The following CKAP5 variants were observed in gnomAD, a reference collection of about 807,000 sequenced individuals.
The protein encoded by CKAP5 is cytoskeleton associated protein 5, also known as cytoskeleton-associated protein 5.
Under a neutral mutation model 232.8 loss-of-function variants are expected in CKAP5, and 27 were observed. That is an observed-to-expected ratio of 0.12 (90% confidence interval 0.09 to 0.16). The LOEUF is 0.16. CKAP5 is among the 10% of genes least tolerant of loss of function. CKAP5 has a pLI of 1.00. For missense variants in CKAP5, 1,838 were observed against 2,424.7 expected, an observed-to-expected ratio of 0.76 and a Z score of 5.08; for synonymous variants, 785 against 841.1, an observed-to-expected ratio of 0.93 and a Z score of 1.16.
At chr11:46,801,392 G>A (rs1003955974) in intron 8 of CKAP5, 88 bp from the exon 9 acceptor site, 12 of 987,400 alleles carry the variant, frequency 1.2e-5, no homozygotes, top group Middle Eastern at 2.1e-4. Flanking sequence ...CTCTGAGGCC[G>A]GGTGCAGCGG....
intron 2 of CKAP5, among the ~76,000 whole-genome samples, chr11:46,820,110 G>A (rs184787588): frequency 3.5e-4 from 54 of 152,160 alleles, no homozygotes; most frequent in Non-Finnish European, 7.1e-4. Context: ...CCCTTTCAGT[G>A]AGAATATACA....
intron 26 of CKAP5, among the ~76,000 whole-genome samples, chr11:46,768,684 C>T (rs917295507): frequency 4.6e-5 from 7 of 151,002 alleles, no homozygotes; most frequent in East Asian, 1.9e-4. Flanking sequence ...TGGGCTGAAG[C>T]GATCCTCCCA....
At chr11:46,797,249 C>T (rs1483769004) in intron 11 of CKAP5, among the ~76,000 whole-genome samples, 1 of 152,062 alleles carries the variant, frequency 6.6e-6, no homozygotes, top group Non-Finnish European at 1.5e-5. Flanking sequence ...TGCCTATAAT[C>T]CCAGCTACTC....
intron 8 of CKAP5, among the ~76,000 whole-genome samples, chr11:46,805,570 CTTTTG>C (rs1207392815): frequency 6.6e-6 from 1 of 152,180 alleles, no homozygotes; most frequent in Admixed American, 6.5e-5. Flanking sequence ...CATTTCCCCA[CTTTTG>C]TTATGTTTCT....
At chr11:46,835,890 G>A (rs989716434) in intron 1 of CKAP5, among the ~76,000 whole-genome samples, 1 of 152,130 alleles carries the variant, frequency 6.6e-6, no homozygotes, top group African/African-American at 2.4e-5. Context: ...AAGTGATCAT[G>A]GTTAATATCA....
chr11:46,780,118 C>A, intron 20 of CKAP5, 76 bp downstream of exon 20: 2 of 1,503,384 alleles, frequency 1.3e-6, no homozygotes, highest in Non-Finnish European at 1.8e-6. Context: ...CAGGCGTGCA[C>A]CACTACACCC....
At chr11:46,786,552 T>A (rs1435796994) in intron 16 of CKAP5, among the ~76,000 whole-genome samples, 1 of 152,190 alleles carries the variant, frequency 6.6e-6, no homozygotes, top group Non-Finnish European at 1.5e-5. Flanking sequence ...CTGTTTAACA[T>A]CTAACATCAG....
chr11:46,816,975 G>A (rs1239843393), intron 3 of CKAP5, among the ~76,000 whole-genome samples: 1 of 151,746 alleles, frequency 6.6e-6, no homozygotes, highest in Non-Finnish European at 1.5e-5. Context: ...GTGTGGTGGC[G>A]CATGCCTGTA....
At chr11:46,833,219 G>T (rs1423171881) in intron 1 of CKAP5, among the ~76,000 whole-genome samples, 1 of 151,960 alleles carries the variant, frequency 6.6e-6, no homozygotes, top group African/African-American at 2.4e-5. Flanking sequence ...AATTAATAGG[G>T]GTTATCCAAG....
intron 38 of CKAP5, among the ~76,000 whole-genome samples, chr11:46,752,193 T>TATATACACACAC (rs1408030107): frequency 1.5e-5 from 1 of 66,552 alleles, no homozygotes; most frequent in Non-Finnish European, 2.9e-5. Context: ...TATATATATA[T>TATATACACACAC]ACACACACAC....
intron 38 of CKAP5, among the ~76,000 whole-genome samples, chr11:46,752,233 CGT>C (rs2065074399): frequency 7.1e-6 from 1 of 141,094 alleles, no homozygotes; most frequent in Non-Finnish European, 1.5e-5. Context: ...CACACACACA[CGT>C]GTATTATATA....
intron 16 of CKAP5, 102 bp downstream of exon 16, chr11:46,788,579 A>G (rs1220442759): frequency 1.7e-5 from 13 of 767,108 alleles, no homozygotes. Flanking sequence ...CGTCTCAAAA[A>G]AAAAAAAATC....
At chr11:46,766,343 A>T (rs896625665) in intron 27 of CKAP5, among the ~76,000 whole-genome samples, 3 of 152,248 alleles carry the variant, frequency 2.0e-5, no homozygotes, top group Non-Finnish European at 4.4e-5. Flanking sequence ...CGTGATCTAA[A>T]CTAAAATAAG....
Position 46,750,216 on chromosome 11 carries a change from G to T in CKAP5, c.5704+58C>A. The T allele has an allele frequency of 3.3e-6, 5 of 1,536,562 alleles. 1 individual carries two copies. The highest frequency in any genetic ancestry group is 2.4e-5 in the South Asian group (2 of 82,384). Reference sequence around the variant, plus strand: ...GAATTTAAACTAACCAAAACTTCAGGTTCCTGTGCTAGGAGCTATTTTGAG... The same window carrying T: ...GAATTTAAACTAACCAAAACTTCAGTTTCCTGTGCTAGGAGCTATTTTGAG... On this transcript the variant is annotated intron_variant, in intron 42 of 43. Transcript: ENST00000529230.
At chr11:46,750,697 T>C in intron 40 of CKAP5, 86 bp from the exon 41 acceptor site, 1 of 1,060,330 alleles carries the variant, frequency 9.4e-7, no homozygotes, top group Non-Finnish European at 1.4e-6. Context: ...AGAAAATATC[T>C]CAAAATCTGG....
chr11:46,845,210 C>T (rs936550709), intron 1 of CKAP5, among the ~76,000 whole-genome samples: 1 of 152,118 alleles, frequency 6.6e-6, no homozygotes, highest in African/African-American at 2.4e-5. Flanking sequence ...AGGAGCTCAC[C>T]TTTCTAAAAA....
rs554975361 is a variant in CKAP5, at chr11:46,770,933, G to A, written c.3041C>T (p.Thr1014Ile). The A allele has an allele frequency of 8.7e-6, 14 of 1,614,092 alleles. No homozygotes were observed. In the East Asian group the frequency reaches 2.7e-4, roughly 31 times the overall value. ...ATGAGGAACACAAAGGATAAGGTCT[G>A]TAGGGGTGGAACGAAGAGTAGGTAG... is the stretch of plus-strand genomic sequence containing the variant. ...EKLPTLRSTP[T>I]DLILCVPHLY... is the part of the protein sequence containing the mutation. Residue 1014 changes from threonine (T) to isoleucine (I), a missense_variant, in exon 25 of 44, where the codon ACA becomes ATA. Around this residue, in one of 6 missense-constraint regions of CKAP5, gnomAD observed 767 missense variants for 954.6 expected, o/e 0.80. Coordinates refer to ENST00000529230, the MANE Select transcript of CKAP5 (RefSeq NM_001008938.4).
At chr11:46,748,111 TA>T (rs895152587) in intron 42 of CKAP5, among the ~76,000 whole-genome samples, 10 of 152,068 alleles carry the variant, frequency 6.6e-5, no homozygotes, top group Admixed American at 2.0e-4. Context: ...GATGAGGTAC[TA>T]GGGGCACTGG....
chr11:46,820,657 T>C (rs1939504777), intron 2 of CKAP5: 1 of 152,126 alleles, frequency 6.6e-6, no homozygotes, highest in African/African-American at 2.4e-5. Flanking sequence ...AAAAATAAGA[T>C]AATCTGAAAG....
Sources: gnomAD v4.1 joint callset for allele counts (sites outside exome capture counted in the v4.1 genomes callset) on GRCh38, gnomAD v4.1.1 for gene constraint, gnomAD v4.1.1 regional missense constraint, MANE v1.5 for transcripts, NCBI Gene and HGNC (gene_info 2026-07-23, HGNC 2026-07-21) for gene names.